Variants in SDC2 observed in about 807,000 individuals in gnomAD.
SDC2 encodes syndecan-2.
Under a neutral mutation model 22.2 loss-of-function variants are expected in SDC2, and 13 were observed. The observed-to-expected ratio is 0.59, with a 90% CI of 0.38 to 0.93. The LOEUF (loss-of-function observed/expected upper bound fraction) is 0.93. SDC2 is among the 40% of genes least tolerant of loss of function. The pLI, the probability that SDC2 is intolerant of heterozygous loss-of-function variation, is 0.00. For missense variants in SDC2, 235 were observed against 246.8 expected, an observed-to-expected ratio of 0.95 and a Z score of 0.32; for synonymous variants, 94 against 92.8, an observed-to-expected ratio of 1.01 and a Z score of -0.07.
At chr8:96,575,521 T>C (rs1434489691) in intron 1 of SDC2, among the ~76,000 whole-genome samples, 1 of 152,204 alleles carries the variant, frequency 6.6e-6, no homozygotes, top group African/African-American at 2.4e-5. Flanking sequence ...TTTCAAGTCA[T>C]CCTTTTAATA....
chr8:96,609,729 A>G lies in SDC2; in HGVS notation c.*181A>G, dbSNP rs1563681173. 9.0e-6 allele frequency: 4 copies of G among 446,742 alleles called. No individual in the cohort carries two copies. The highest frequency in any genetic ancestry group is 2.0e-5 in the African/African-American group (1 of 49,384). The allele number at this position is 446,742 out of a possible 1,614,324, so 27.7% of individuals were successfully genotyped here. ...TTTCTTTAGAACAACATAAAATTAA[A>G]ATTTAACATCTGCAGTGTTCTGTGA... On this transcript the variant is annotated 3_prime_UTR_variant, in exon 5 of 5. Coordinates refer to ENST00000302190, the MANE Select transcript of SDC2 (RefSeq NM_002998.4).
chr8:96,605,973 A>G (rs1002094296), intron 3 of SDC2, among the ~76,000 whole-genome samples: 6 of 152,176 alleles, frequency 3.9e-5, no homozygotes, highest in Non-Finnish European at 7.3e-5. Context: ...AGACTTAACT[A>G]GCAGGCCGCC....
intron 1 of SDC2, among the ~76,000 whole-genome samples, chr8:96,506,656 A>C (rs1449101919): frequency 6.6e-6 from 1 of 151,972 alleles, no homozygotes; most frequent in Non-Finnish European, 1.5e-5. Flanking sequence ...GTTGTTGTTC[A>C]CATGGGGTTT....
intron 1 of SDC2, chr8:96,580,528 A>T: frequency 3.0e-6 from 3 of 985,228 alleles, no homozygotes; most frequent in Non-Finnish European, 3.6e-6. Context: ...ATACCAATTA[A>T]ATAATAAACT....
At chr8:96,538,124 G>T (rs373614871) in intron 1 of SDC2, among the ~76,000 whole-genome samples, 8 of 152,002 alleles carry the variant, frequency 5.3e-5, no homozygotes, top group Non-Finnish European at 1.0e-4. Context: ...CACCACGCCC[G>T]GCTAATTTTT....
At chr8:96,535,837 G>A (rs1193302238) in intron 1 of SDC2, among the ~76,000 whole-genome samples, 1 of 152,230 alleles carries the variant, frequency 6.6e-6, no homozygotes, top group Non-Finnish European at 1.5e-5. Flanking sequence ...GCCTGCCTTA[G>A]AGGATGTTGT....
intron 1 of SDC2, among the ~76,000 whole-genome samples, chr8:96,562,970 A>G (rs1049781949): frequency 6.6e-6 from 1 of 151,864 alleles, no homozygotes; most frequent in Non-Finnish European, 1.5e-5. Flanking sequence ...TTTCGCCTTC[A>G]GACTATCATT....
At position 96,576,368 on chromosome 8, in the gene SDC2, G is replaced by GTTTTTTTTTTTTTTTTT. The variant is rs1481198542; in HGVS notation, c.61-17107_61-17106insTTTTTTTTTTTTTTTTT. Among the ~76,000 whole-genome samples, 12 of 16,584 alleles carry GTTTTTTTTTTTTTTTTT rather than the reference G, an allele frequency of 7.2e-4. 1 individual carries two copies. The highest frequency in any genetic ancestry group is 1.4e-3 in the African/African-American group (11 of 7,996). The allele number at this position is 16,584 out of a possible 152,430, so 10.9% of individuals were successfully genotyped here. On this transcript the variant is annotated intron_variant, in intron 1 of 4. Transcript: ENST00000302190. ...ACATAAGTTCAATAATTGGTAGTTT[G>GTTTTTTTTTTTTTTTTT]TTTTTGTTTTGTTTTGTTTTTTTTT...
chr8:96,532,411 C>CGT (rs1286663467), intron 1 of SDC2, among the ~76,000 whole-genome samples: 1 of 46,310 alleles, frequency 2.2e-5, no homozygotes, highest in Non-Finnish European at 3.5e-5. Flanking sequence ...CTTATTGAGG[C>CGT]GTTTTTTTTT....
At chr8:96,607,870 G>A (rs1815109090) in intron 3 of SDC2, among the ~76,000 whole-genome samples, 1 of 152,090 alleles carries the variant, frequency 6.6e-6, no homozygotes, top group African/African-American at 2.4e-5. Context: ...CCCACAGAGT[G>A]GGGACAGGAA....
At position 96,537,779 on chromosome 8, in the gene SDC2, A is replaced by G. The variant is rs566558895; in HGVS notation, c.60+43448A>G. Among the ~76,000 whole-genome samples, 8 of 152,312 alleles carry G rather than the reference A, an allele frequency of 5.3e-5. No homozygotes were observed. In the East Asian group the frequency reaches 1.5e-3, roughly 29 times the overall value. ...TAAAAGTTCTTTCTTCTATTCCCCA[A>G]GGGCTGATGGACTTAAAAATACCTG... is the stretch of plus-strand genomic sequence containing the variant. On this transcript the variant is annotated intron_variant, in intron 1 of 4. Coordinates refer to ENST00000302190, the MANE Select transcript of SDC2 (RefSeq NM_002998.4).
At chr8:96,526,971 T>C (rs1436722334) in intron 1 of SDC2, among the ~76,000 whole-genome samples, 1 of 152,172 alleles carries the variant, frequency 6.6e-6, no homozygotes, top group Non-Finnish European at 1.5e-5. Flanking sequence ...TCCCAATGTC[T>C]GGGTGACTCT....
chr8:96,519,165 C>T (rs1445312166), intron 1 of SDC2, among the ~76,000 whole-genome samples: 1 of 152,090 alleles, frequency 6.6e-6, no homozygotes, highest in African/African-American at 2.4e-5. Flanking sequence ...AGGGGGTTTG[C>T]TCTAAGTCTC....
At chr8:96,503,968 G>A (rs898310372) in intron 1 of SDC2, among the ~76,000 whole-genome samples, 2 of 152,140 alleles carry the variant, frequency 1.3e-5, no homozygotes, top group African/African-American at 4.8e-5. Flanking sequence ...TTATTAAATT[G>A]AATACAGCAG....
intron 2 of SDC2, among the ~76,000 whole-genome samples, chr8:96,597,098 G>A (rs1284660703): frequency 6.6e-6 from 1 of 152,194 alleles, no homozygotes; most frequent in Non-Finnish European, 1.5e-5. Context: ...TCTGGAGAGG[G>A]TAAAACAGAA....
rs879684126 is a variant in SDC2, at chr8:96,493,814, G to C, written c.-458G>C. 1.1e-4 allele frequency: 17 copies of C among 159,710 alleles called. No homozygotes were observed. Among genetic ancestry groups the C allele is most frequent in the Admixed American group, 2.6e-4 (4 of 15,382 alleles). 9.9% of individuals were successfully genotyped at this position (159,710 alleles called of 1,614,324 possible). A position where few individuals can be genotyped will look rare whatever the true frequency, so the allele number is the denominator to read the frequency against. On this transcript the variant is annotated 5_prime_UTR_variant, in exon 1 of 5. Coordinates refer to ENST00000302190, the MANE Select transcript of SDC2 (RefSeq NM_002998.4). Reference sequence around the variant, plus strand: ...CCCCGCTTGGACGCGCTGCTCTCCAGATACCCCCGGAGCTCCAGCCGCGCG... The same window carrying C: ...CCCCGCTTGGACGCGCTGCTCTCCACATACCCCCGGAGCTCCAGCCGCGCG...
intron 1 of SDC2, among the ~76,000 whole-genome samples, chr8:96,564,213 C>G (rs1814258194): frequency 6.6e-6 from 1 of 152,130 alleles, no homozygotes; most frequent in East Asian, 1.9e-4. Context: ...TTGTCTCATT[C>G]ACAGTGTAAT....
intron 2 of SDC2, among the ~76,000 whole-genome samples, chr8:96,595,226 T>G (rs1215640224): frequency 6.6e-6 from 1 of 152,252 alleles, no homozygotes; most frequent in African/African-American, 2.4e-5. Context: ...CAGATTGAGC[T>G]GGGCTTCAGA....
At chr8:96,532,561 G>A (rs1813682265) in intron 1 of SDC2, among the ~76,000 whole-genome samples, 1 of 151,940 alleles carries the variant, frequency 6.6e-6, no homozygotes, top group Non-Finnish European at 1.5e-5. Context: ...GGAACAGAAG[G>A]GAGGGGTAAA....
Sources: gnomAD v4.1 joint callset for allele counts (sites outside exome capture counted in the v4.1 genomes callset) on GRCh38, gnomAD v4.1.1 for gene constraint, MANE v1.5 for transcripts, NCBI Gene and HGNC (gene_info 2026-07-23, HGNC 2026-07-21) for gene names.